Variants in BTNL2 observed in about 807,000 individuals in gnomAD.
BTNL2 encodes butyrophilin-like protein 2.
BTNL2 carries 46 observed loss-of-function variants against 46.8 expected under a neutral mutation model. That is an observed-to-expected ratio of 0.98 (90% confidence interval 0.78 to 1.26). The LOEUF is 1.26. Ranked by LOEUF, BTNL2 falls within the 50% of genes most tolerant of loss-of-function variation. BTNL2 has a pLI of 0.00. For missense variants in BTNL2, 461 were observed against 592.6 expected (o/e 0.78, Z 2.31); for synonymous variants, 226 against 229.1 (o/e 0.99, Z 0.12).
chr6:32,403,278 G>T, intron 2 of BTNL2, 62 bp from the exon 3 acceptor site: 2 of 1,516,578 alleles, frequency 1.3e-6, no homozygotes, highest in Non-Finnish European at 1.8e-6. Flanking sequence ...CACAGAGGCT[G>T]AGATCCCAGT....
Position 32,396,203 on chromosome 6 carries a change from A to G in BTNL2, c.914T>C (p.Met305Thr). The change falls in exon 5 of 8, where the codon ATG (methionine) becomes ACG (threonine). Residue 305 changes from methionine (M) to threonine (T), a missense_variant. Met to Thr is a moderately conservative substitution (Grantham distance 81). Transcript: ENST00000454136. The surrounding 1 kb of genome is among the most constrained non-coding windows in gnomAD (Gnocchi z 4.4). Reference protein sequence around the residue: ...MDGDHVAGEQMAEYRGRTVLV... With the variant: ...MDGDHVAGEQTAEYRGRTVLV... Reference sequence around the variant, plus strand: ...TACAGTCCTCCCTCTGTACTCTGCCATCTGCTCTCCAGCCACATGGTCCCC... The same window carrying G: ...TACAGTCCTCCCTCTGTACTCTGCCGTCTGCTCTCCAGCCACATGGTCCCC... The G allele has an allele frequency of 6.2e-7, 1 of 1,613,070 alleles. No homozygotes were observed. Among genetic ancestry groups the G allele is most frequent in the Non-Finnish European group, 8.5e-7 (1 of 1,180,018 alleles).
At position 32,403,159 on chromosome 6, in the gene BTNL2, A is replaced by T. The variant is rs766759467; in HGVS notation, c.485T>A (p.Leu162His). Residue 162 changes from leucine to histidine, a missense_variant, in exon 3 of 8, where the codon CTT (leucine) becomes CAT (histidine). Coordinates refer to ENST00000454136, the MANE Select transcript of BTNL2 (RefSeq NM_001304561.2). ...GAACCAGCCCCTTGCAGTGCACACA[A>T]GCTGGACTCCACTCTCCCCAGGTCC... is the stretch of plus-strand genomic sequence containing the variant. ...MEGPGESGVQ[L>H]VCTARGWFPE... The T allele has an allele frequency of 3.0e-5, 49 of 1,612,400 alleles. No individual in the cohort carries two copies. The highest frequency in any genetic ancestry group is 4.0e-5 in the Non-Finnish European group (47 of 1,179,822).
intron 2 of BTNL2, 40 bp from the exon 3 acceptor site, chr6:32,403,256 A>G (rs1357517867): frequency 1.9e-6 from 3 of 1,551,160 alleles, no homozygotes; most frequent in Non-Finnish European, 2.6e-6. Flanking sequence ...CAGAGCCCAC[A>G]GAGGCAGAAA....
chr6:32,396,233 A>G lies in BTNL2; in HGVS notation c.884T>C (p.Met295Thr). Residue 295 changes from methionine to threonine, a missense_variant, in exon 5 of 8, where the codon ATG becomes ACG. Met to Thr is a moderately conservative substitution (Grantham distance 81). Coordinates refer to ENST00000454136, the MANE Select transcript of BTNL2 (RefSeq NM_001304561.2). This position sits in a 1 kb window ranked among gnomAD's most constrained non-coding sequence, Gnocchi z 4.4. ...CTCTCCAGCCACATGGTCCCCATCC[A>G]TATACACATGCACAGCAGGGTAACG... ...SHRYPAVHVY[M>T]DGDHVAGEQM... is the part of the protein sequence containing the mutation. The G allele has an allele frequency of 3.1e-6, 5 of 1,613,068 alleles. No individual in the cohort carries two copies. Among genetic ancestry groups the G allele is most frequent in the Non-Finnish European group, 4.2e-6 (5 of 1,180,008 alleles).
At chr6:32,404,635 C>T (rs557786622) in intron 2 of BTNL2, among the ~76,000 whole-genome samples, 2 of 152,224 alleles carry the variant, frequency 1.3e-5, no homozygotes, top group African/African-American at 2.4e-5. Flanking sequence ...AATTGGTTTG[C>T]TCTTGCGCAC....
intron 4 of BTNL2, among the ~76,000 whole-genome samples, chr6:32,397,207 A>G (rs67603244): frequency 0.18 from 27,066 of 152,156 alleles, 2,696 homozygotes; most frequent in East Asian, 0.21. Context: ...TTGCAAAATT[A>G]TTTTATGAAT....
Position 32,405,375 on chromosome 6 carries a change from G to A in BTNL2, c.80-89C>T, listed in dbSNP as rs1281547616. ...GGGTGTCCAGCCTGTCAAAATGGAG[G>A]CAACTAGAAGAGGGAGAGATATATG... On this transcript the variant is annotated intron_variant, in intron 1 of 7. Transcript: ENST00000454136. The A allele has an allele frequency of 6.0e-6, 7 of 1,161,852 alleles. No individual in the cohort carries two copies. The African/African-American group carries it at 9.1e-5, about 15-fold the overall frequency. 72.0% of individuals were successfully genotyped at this position (1,161,852 alleles called of 1,614,324 possible).
chr6:32,406,047 T>C (rs959254833), intron 1 of BTNL2: 3 of 152,826 alleles, frequency 2.0e-5, no homozygotes, highest in African/African-American at 7.2e-5. Context: ...GTTTGATCAT[T>C]TTATGTCATG....
chr6:32,395,842 A>G lies in BTNL2; in HGVS notation c.1078+197T>C, dbSNP rs1345613045. ...GGAAAAGATACAAGTTATATGCCCA[A>G]ATAATTAAATTTCATCCATTTGAGT... On this transcript the variant is annotated intron_variant, in intron 5 of 7. Transcript: ENST00000454136. 2.6e-5 allele frequency among the ~76,000 whole-genome samples: 4 copies of G among 152,346 alleles called. No individual in the cohort carries two copies. The East Asian group carries it at 7.7e-4, about 29-fold the overall frequency.
Position 32,405,273 on chromosome 6 carries a change from G to A in BTNL2, c.93C>T (p.Val31=), listed in dbSNP as rs759200295. Residue 31 remains valine (V), a synonymous_variant, in exon 2 of 8, where the codon GTC becomes GTT. Coordinates refer to ENST00000454136, the MANE Select transcript of BTNL2 (RefSeq NM_001304561.2). The part of the protein sequence containing the change: ...LTMKQSEDFR[V]IGPAHPILAG... ...CCAGGATAGGATGAGCAGGGCCAAT[G>A]ACTCTAAAGTCTTCTATAAAATAAG... 327 of 1,612,872 alleles carry A rather than the reference G, an allele frequency of 2.0e-4. No individual in the cohort carries two copies. The highest frequency in any genetic ancestry group is 2.7e-4 in the Non-Finnish European group (321 of 1,180,036).
In BTNL2 at chr6:32,401,810, A is replaced by G. The variant is rs1455992609; in HGVS notation, c.710-5T>C. 2 of 1,563,570 alleles carry G rather than the reference A, an allele frequency of 1.3e-6. No individual in the cohort carries two copies. Among genetic ancestry groups the G allele is most frequent in the Non-Finnish European group, 8.6e-7 (1 of 1,166,538 alleles). ...CCAGCTCAGTCTGGAGTTTCTCTGG[A>G]AAAAGAACAAGAATAACATATTAAG... On this transcript the variant is annotated splice_region_variant and splice_polypyrimidine_tract_variant and intron_variant, in intron 3 of 7. Coordinates refer to ENST00000454136, the MANE Select transcript of BTNL2 (RefSeq NM_001304561.2).
At chr6:32,398,614 T>C (rs1187491066) in intron 4 of BTNL2, among the ~76,000 whole-genome samples, 1 of 152,190 alleles carries the variant, frequency 6.6e-6, no homozygotes, top group Non-Finnish European at 1.5e-5. Context: ...ATCTCCTTTA[T>C]CCATATGAGG....
In BTNL2 at chr6:32,403,013, C is replaced by T. The variant is rs369335767; in HGVS notation, c.631G>A (p.Ala211Thr). 1.1e-5 allele frequency: 18 copies of T among 1,612,732 alleles called. No homozygotes were observed. Among genetic ancestry groups the T allele is most frequent in the African/African-American group, 4.0e-5 (3 of 74,884 alleles). ...YAEATLVVRN[A>T]SAESVSCLVH... is the part of the protein sequence containing the mutation. ...AAGCAGGACACAGACTCTGCAGAGG[C>T]GTTCCTGACCACCAGGGTGGCTTCC... The change falls in exon 3 of 8, where the codon GCC (alanine) becomes ACC (threonine). Residue 211 changes from alanine to threonine, a missense_variant. Transcript: ENST00000454136.
Position 32,394,624 on chromosome 6 carries a change from A to C in BTNL2, c.1360+120T>G, listed in dbSNP as rs2127702271. 1 of 1,197,900 alleles carries C rather than the reference A, an allele frequency of 8.3e-7. No homozygotes were observed. The highest frequency in any genetic ancestry group is 2.4e-5 in the East Asian group (1 of 41,402). The allele number at this position is 1,197,900 out of a possible 1,614,324, so 74.2% of individuals were successfully genotyped here. A position where few individuals can be genotyped will look rare whatever the true frequency, so the allele number is the denominator to read the frequency against. On this transcript the variant is annotated intron_variant, in intron 6 of 7. Coordinates refer to ENST00000454136, the MANE Select transcript of BTNL2 (RefSeq NM_001304561.2). This position sits in a 1 kb window ranked among gnomAD's most constrained non-coding sequence, Gnocchi z 4.6. Reference sequence around the variant, plus strand: ...AACCAGCTTTGCAGAGGATAGCAGGAGACCTCGTCAGAGATCAGCAAATAA... The same window carrying C: ...AACCAGCTTTGCAGAGGATAGCAGGCGACCTCGTCAGAGATCAGCAAATAA...
chr6:32,394,886 G>A lies in BTNL2; in HGVS notation c.1218C>T (p.Ser406=), dbSNP rs771560532. ...DMEGKTIPSS[S]QALTQGSHGL... is the part of the protein sequence containing the mutation. ...CGTGGCTGCCTTGAGTCAGGGCCTGGGAAGATGATGGTATCGTCTTTCCTT... is the reference window on the plus strand; with the variant it reads ...CGTGGCTGCCTTGAGTCAGGGCCTGAGAAGATGATGGTATCGTCTTTCCTT... Residue 406 remains serine (S), a synonymous_variant, in exon 6 of 8, where the codon TCC becomes TCT. Coordinates refer to ENST00000454136, the MANE Select transcript of BTNL2 (RefSeq NM_001304561.2). This position sits in a 1 kb window ranked among gnomAD's most constrained non-coding sequence, Gnocchi z 4.6. 69 of 1,614,220 alleles carry A rather than the reference G, an allele frequency of 4.3e-5. No homozygotes were observed. The East Asian group carries it at 1.5e-3, about 35-fold the overall frequency.
chr6:32,404,145 A>C (rs928050930), intron 2 of BTNL2, among the ~76,000 whole-genome samples: 5 of 152,236 alleles, frequency 3.3e-5, no homozygotes, highest in Non-Finnish European at 7.3e-5. Flanking sequence ...CCTCCCAGGG[A>C]AGTAAAGAAG....
intron 4 of BTNL2, among the ~76,000 whole-genome samples, chr6:32,397,786 G>A (rs1255405801): frequency 6.6e-6 from 1 of 152,178 alleles, no homozygotes; most frequent in Non-Finnish European, 1.5e-5. Flanking sequence ...CGTGGTAATA[G>A]GGAGGGGTTT....
Position 32,393,943 on chromosome 6 carries a change from T to C in BTNL2, c.*6+20A>G. ...GTTCCCACTGCAGTGTGCTCCGCTGTTTCTGTTTCCCTGACTTACCTCTTT... is the reference window on the plus strand; with the variant it reads ...GTTCCCACTGCAGTGTGCTCCGCTGCTTCTGTTTCCCTGACTTACCTCTTT... On this transcript the variant is annotated intron_variant, in intron 7 of 7. Coordinates refer to ENST00000454136, the MANE Select transcript of BTNL2 (RefSeq NM_001304561.2). This position sits in a 1 kb window ranked among gnomAD's most constrained non-coding sequence, Gnocchi z 4.8. The C allele has an allele frequency of 6.5e-7, 1 of 1,548,702 alleles. No homozygotes were observed. Among genetic ancestry groups the C allele is most frequent in the Non-Finnish European group, 8.7e-7 (1 of 1,146,294 alleles).
At chr6:32,404,422 A>G (rs960790538) in intron 2 of BTNL2, among the ~76,000 whole-genome samples, 5 of 152,176 alleles carry the variant, frequency 3.3e-5, no homozygotes, top group African/African-American at 9.7e-5. Context: ...TGAGTCCCCA[A>G]TTCATTGAAC....
Sources: allele counts gnomAD v4.1 joint callset (sites outside exome capture counted in the v4.1 genomes callset), GRCh38; gene constraint gnomAD v4.1.1; non-coding constraint Gnocchi (gnomAD v3.1); transcripts MANE v1.5; gene names NCBI Gene and HGNC (gene_info 2026-07-23, HGNC 2026-07-21).